Variants in SPATS1 observed in about 807,000 individuals in gnomAD.
The protein encoded by SPATS1 is spermatogenesis-associated serine-rich protein 1.
SPATS1 carries 23 observed loss-of-function variants against 33.6 expected under a neutral mutation model. The observed-to-expected ratio is 0.68, with a 90% CI of 0.49 to 0.97. SPATS1 has a LOEUF of 0.97. SPATS1 is among the 50% of genes least tolerant of loss of function. The pLI, the probability that SPATS1 is intolerant of heterozygous loss-of-function variation, is 0.00. For synonymous variants in SPATS1, 131 were observed against 125.6 expected (o/e 1.04, Z -0.29); for missense variants, 327 against 361.0 (o/e 0.91, Z 0.76).
At chr6:44,348,190 G>A (rs1174692123) in intron 2 of SPATS1, among the ~76,000 whole-genome samples, 1 of 151,946 alleles carries the variant, frequency 6.6e-6, no homozygotes, top group Non-Finnish European at 1.5e-5. Context: ...TGTATTTTTG[G>A]TAGAGACGGA....
intron 3 of SPATS1, 79 bp downstream of exon 3, chr6:44,352,952 G>T: frequency 6.8e-7 from 1 of 1,471,852 alleles, no homozygotes; most frequent in Non-Finnish European, 9.3e-7. Flanking sequence ...AGGTAGCATG[G>T]TATGCTTGGC....
At position 44,361,293 on chromosome 6, in the gene SPATS1, A is replaced by G. The variant is rs192547993; in HGVS notation, c.413-538A>G. The G allele has an allele frequency of 5.1e-3, 4,974 of 980,374 alleles. 25 individuals carry two copies. The highest frequency in any genetic ancestry group is 5.6e-3 in the Non-Finnish European group (4,647 of 825,282). The allele number at this position is 980,374 out of a possible 1,614,324, so 60.7% of individuals were successfully genotyped here. A position where few individuals can be genotyped will look rare whatever the true frequency, so the allele number is the denominator to read the frequency against. Reference sequence around the variant, plus strand: ...ATGAAACAAAGGCACTGCAAGGTCCAGAAACTAGCCTGGGGTCTCACGACA... The same window carrying G: ...ATGAAACAAAGGCACTGCAAGGTCCGGAAACTAGCCTGGGGTCTCACGACA... On this transcript the variant is annotated intron_variant, in intron 4 of 8. Transcript: ENST00000674044.
At chr6:44,363,391 G>A (rs1480028559) in intron 5 of SPATS1, among the ~76,000 whole-genome samples, 2 of 152,014 alleles carry the variant, frequency 1.3e-5, no homozygotes, top group South Asian at 2.1e-4. Context: ...GCGATTAGCC[G>A]GCCTTGGCCT....
In SPATS1 at chr6:44,377,105, C is replaced by T. The variant is rs149388982; in HGVS notation, c.*42C>T. The T allele has an allele frequency of 7.3e-4, 1,182 of 1,612,796 alleles. 10 individuals carry two copies. In the African/African-American group the frequency reaches 0.014, roughly 19 times the overall value. ...AAAACATGTGCTGACTGCACTCTGG[C>T]GACCCTTTTCCAGTTGATGTTTTTT... On this transcript the variant is annotated 3_prime_UTR_variant, in exon 9 of 9. Coordinates refer to ENST00000674044, the MANE Select transcript of SPATS1 (RefSeq NM_001372081.1).
At chr6:44,362,115 G>T in intron 5 of SPATS1, 123 bp downstream of exon 5, 2 of 1,246,668 alleles carry the variant, frequency 1.6e-6, no homozygotes, top group East Asian at 2.3e-5. Context: ...CCCTAGTGCA[G>T]CCAGGAAGAC....
chr6:44,361,180 C>T (rs533173828), intron 4 of SPATS1, among the ~76,000 whole-genome samples: 2 of 152,262 alleles, frequency 1.3e-5, no homozygotes, highest in South Asian at 4.2e-4. Flanking sequence ...TCCCAGAGCC[C>T]ACATTTCTCA....
intron 3 of SPATS1, among the ~76,000 whole-genome samples, chr6:44,357,048 T>C (rs904946243): frequency 3.3e-5 from 5 of 152,196 alleles, no homozygotes; most frequent in Admixed American, 2.0e-4. Flanking sequence ...TTGCTTACCA[T>C]TATTTAATGA....
intron 2 of SPATS1, among the ~76,000 whole-genome samples, chr6:44,348,027 G>T (rs1788006413): frequency 6.7e-6 from 1 of 149,768 alleles, no homozygotes; most frequent in African/African-American, 2.5e-5. Flanking sequence ...TTTTTTTTGG[G>T]ATGGAGTCTC....
At chr6:44,361,444 G>C in intron 4 of SPATS1, 1 of 985,438 alleles carries the variant, frequency 1.0e-6, no homozygotes, top group Non-Finnish European at 1.2e-6. Context: ...CACTGGCCTA[G>C]CCATTTGCTG....
At chr6:44,344,304 T>G (rs1787740273) in intron 2 of SPATS1, among the ~76,000 whole-genome samples, 1 of 152,096 alleles carries the variant, frequency 6.6e-6, no homozygotes, top group Non-Finnish European at 1.5e-5. Flanking sequence ...TAGGTGAGTC[T>G]ATTCAGGAGA....
chr6:44,365,049 A>G (rs200692391), intron 5 of SPATS1, among the ~76,000 whole-genome samples: 3 of 152,138 alleles, frequency 2.0e-5, no homozygotes, highest in Non-Finnish European at 4.4e-5. Context: ...TCGGCCTCCC[A>G]AAGTGCTGGG....
chr6:44,371,777 C>T (rs184297469), intron 7 of SPATS1, among the ~76,000 whole-genome samples: 2 of 151,728 alleles, frequency 1.3e-5, no homozygotes, highest in Admixed American at 6.6e-5. Flanking sequence ...AACCCTGTCT[C>T]TACTAAAAAT....
In SPATS1 at chr6:44,380,105, G is replaced by A. The variant is rs1000174714; in HGVS notation, c.*3042G>A. Among the ~76,000 whole-genome samples the A allele has an allele frequency of 1.4e-4, 22 of 152,214 alleles. No homozygotes were observed. Among genetic ancestry groups the A allele is most frequent in the African/African-American group, 5.1e-4 (21 of 41,454 alleles). ...TTTTGCTTCTTTCCAGCTAGAAAGA[G>A]GTTGAACCTGTTAGATGTAAAGATC... On this transcript the variant is annotated 3_prime_UTR_variant, in exon 9 of 9. Transcript: ENST00000674044.
chr6:44,356,721 GTC>G (rs1788610671), intron 3 of SPATS1, among the ~76,000 whole-genome samples: 1 of 152,180 alleles, frequency 6.6e-6, no homozygotes, highest in Admixed American at 6.5e-5. Flanking sequence ...CATAGCAGCT[GTC>G]TCTCCTTACA....
rs1484893150 is a variant in SPATS1, at chr6:44,378,404, A to T, written c.*1341A>T. ...CATGCTGAGACTCCACATGTCTATGACATGAGCATGATTTATTTCCCAAAA... is the reference window on the plus strand; with the variant it reads ...CATGCTGAGACTCCACATGTCTATGTCATGAGCATGATTTATTTCCCAAAA... On this transcript the variant is annotated 3_prime_UTR_variant, in exon 9 of 9. Coordinates refer to ENST00000674044, the MANE Select transcript of SPATS1 (RefSeq NM_001372081.1). 1 of 152,142 alleles carries T rather than the reference A, an allele frequency of 6.6e-6. No homozygotes were observed. Among genetic ancestry groups the T allele is most frequent in the Admixed American group, 6.6e-5 (1 of 15,264 alleles). The allele number at this position is 152,142 out of a possible 1,614,324, so 9.4% of individuals were successfully genotyped here.
At chr6:44,343,309 G>GT in intron 2 of SPATS1, 75 bp downstream of exon 2, 2 of 1,546,044 alleles carry the variant, frequency 1.3e-6, no homozygotes, top group Non-Finnish European at 1.8e-6. Flanking sequence ...GCGGGGGCAG[G>GT]TGGGGGGCAC....
intron 3 of SPATS1, among the ~76,000 whole-genome samples, chr6:44,356,497 G>T (rs1356730260): frequency 6.6e-6 from 1 of 152,220 alleles, no homozygotes; most frequent in African/African-American, 2.4e-5. Flanking sequence ...TCTGGCTCAA[G>T]GTCTCTCTCA....
chr6:44,376,407 C>T lies in SPATS1; in HGVS notation c.808C>T (p.Gln270Ter). Residue 270 changes from glutamine to a stop codon, truncating the protein, a stop_gained, in exon 8 of 9, where the codon CAA becomes TAA. Transcript: ENST00000674044. LOFTEE classifies it high-confidence loss of function. ...GGCCAACAGTTTGAAAAATGAGATACAAGAGGTTGAGGAGCTTGACAACTG... is the reference window on the plus strand; with the variant it reads ...GGCCAACAGTTTGAAAAATGAGATATAAGAGGTTGAGGAGCTTGACAACTG... Reference protein sequence around the residue: ...EKANSLKNEIQEVEELDNWQP... With the variant: ...EKANSLKNEI 6.2e-7 allele frequency: 1 copy of T among 1,613,220 alleles called. No individual in the cohort carries two copies. Among genetic ancestry groups the T allele is most frequent in the Non-Finnish European group, 8.5e-7 (1 of 1,179,760 alleles).
At chr6:44,350,792 G>A (rs1397367044) in intron 2 of SPATS1, among the ~76,000 whole-genome samples, 1 of 152,132 alleles carries the variant, frequency 6.6e-6, no homozygotes, top group Non-Finnish European at 1.5e-5. Context: ...GTTCTGCATT[G>A]GCAGATTCGA....
Sources: allele counts gnomAD v4.1 joint callset (sites outside exome capture counted in the v4.1 genomes callset), GRCh38; gene constraint gnomAD v4.1.1; transcripts MANE v1.5; gene names NCBI Gene and HGNC (gene_info 2026-07-23, HGNC 2026-07-21).